The following ARID1B variants were observed in gnomAD, a reference collection of about 807,000 sequenced individuals.
ARID1B encodes the protein AT-rich interactive domain-containing protein 1B.
ARID1B carries 30 observed loss-of-function variants against 212.3 expected under a neutral mutation model. That is an observed-to-expected ratio of 0.14 (90% CI 0.11 to 0.19). The LOEUF is 0.19. Among genes scored for constraint, ARID1B ranks in the 10% least tolerant of loss-of-function variants. The pLI, the probability that ARID1B is intolerant of heterozygous loss-of-function variation, is 1.00. For missense variants in ARID1B, 2,891 were observed against 3,204.0 expected (o/e 0.90, Z 2.36); for synonymous variants, 1,402 against 1,301.7 (o/e 1.08, Z -1.66).
At chr6:157,169,116 A>C (rs1791538620) in intron 9 of ARID1B, 1 of 152,130 alleles carries the variant, frequency 6.6e-6, no homozygotes, top group Non-Finnish European at 1.5e-5. Context: ...ACCTGACTGC[A>C]CAAGAGAAGG....
intron 4 of ARID1B, among the ~76,000 whole-genome samples, chr6:157,070,486 C>A (rs1783946161): frequency 6.6e-6 from 1 of 152,114 alleles, no homozygotes; most frequent in Admixed American, 6.5e-5. Flanking sequence ...GTAATGATCA[C>A]ACAGCTGTGC....
At chr6:157,044,145 A>C (rs1333567038) in intron 4 of ARID1B, among the ~76,000 whole-genome samples, 1 of 152,240 alleles carries the variant, frequency 6.6e-6, no homozygotes, top group African/African-American at 2.4e-5. Context: ...TCTTAATTGA[A>C]TCTATTTATT....
At chr6:157,188,558 G>A (rs550161051) in intron 13 of ARID1B, among the ~76,000 whole-genome samples, 2 of 152,280 alleles carry the variant, frequency 1.3e-5, no homozygotes, top group East Asian at 3.9e-4. Context: ...CATAGGAAAG[G>A]CATTCTACAC....
intron 2 of ARID1B, among the ~76,000 whole-genome samples, chr6:156,878,604 C>T (rs147232404): frequency 6.6e-6 from 1 of 152,298 alleles, no homozygotes; most frequent in East Asian, 1.9e-4. Flanking sequence ...AATCTAGCTG[C>T]CTGTAACTCC....
chr6:156,931,299 C>T (rs546657591), intron 3 of ARID1B, among the ~76,000 whole-genome samples: 4 of 150,412 alleles, frequency 2.7e-5, no homozygotes, highest in African/African-American at 9.8e-5. Context: ...GCATTTTATT[C>T]AAAGTTACAT....
chr6:157,207,764 T>A lies in ARID1B; in HGVS notation c.6992T>A (p.Val2331Glu). Residue 2331 changes from valine (V) to glutamate (E), a missense_variant, in exon 20 of 20, where the codon GTG becomes GAG. Around this residue, in one of 7 missense-constraint regions of ARID1B, gnomAD observed 187 missense variants for 306.5 expected, o/e 0.61. Transcript: ENST00000636930. The surrounding 1 kb of genome is among the most constrained non-coding windows in gnomAD (Gnocchi z 8.5). ...AAKALLAMAR[V>E]DENRSEFLLH... is the part of the protein sequence containing the mutation. ...AAGGCTTTGCTAGCCATGGCCAGAG[T>A]GGACGAAAACCGCTCGGAATTCCTT... 6.3e-7 allele frequency: 1 copy of A among 1,580,314 alleles called. No individual in the cohort carries two copies. The highest frequency in any genetic ancestry group is 8.6e-7 in the Non-Finnish European group (1 of 1,158,182).
At chr6:156,826,208 G>A (rs1482636817) in intron 1 of ARID1B, among the ~76,000 whole-genome samples, 1 of 152,198 alleles carries the variant, frequency 6.6e-6, no homozygotes, top group Non-Finnish European at 1.5e-5. Flanking sequence ...CTTTCCTCCT[G>A]TGTCCTCCAC....
chr6:156,868,105 G>A (rs977533417), intron 2 of ARID1B, among the ~76,000 whole-genome samples: 9 of 152,210 alleles, frequency 5.9e-5, no homozygotes, highest in African/African-American at 1.9e-4. Context: ...GCTTGCCTCA[G>A]TACCGAGCTG....
At chr6:156,787,064 A>G (rs765252777) in intron 1 of ARID1B, among the ~76,000 whole-genome samples, 6 of 150,988 alleles carry the variant, frequency 4.0e-5, no homozygotes, top group Non-Finnish European at 7.4e-5. Context: ...TTCCATTTCT[A>G]CCAATCAGTT....
intron 8 of ARID1B, among the ~76,000 whole-genome samples, chr6:157,164,463 T>C (rs2128284845): frequency 6.6e-6 from 1 of 152,342 alleles, no homozygotes; most frequent in Non-Finnish European, 1.5e-5. Context: ...CTTTTTTACC[T>C]TAGTATAAAC....
intron 7 of ARID1B, among the ~76,000 whole-genome samples, chr6:157,140,031 A>G (rs1247848027): frequency 2.0e-5 from 3 of 151,904 alleles, no homozygotes; most frequent in Non-Finnish European, 4.4e-5. Context: ...GCCTTTTTAT[A>G]TATTTTTTAA....
intron 7 of ARID1B, among the ~76,000 whole-genome samples, chr6:157,135,707 A>G (rs1583374375): frequency 1.3e-5 from 2 of 152,176 alleles, no homozygotes; most frequent in Admixed American, 6.5e-5. Flanking sequence ...CACATTTGCA[A>G]TGTGTTGTTG....
chr6:156,784,294 C>T lies in ARID1B; in HGVS notation c.1791+4823C>T, dbSNP rs184893195. Among the ~76,000 whole-genome samples, 42 of 152,192 alleles carry T rather than the reference C, an allele frequency of 2.8e-4. No individual in the cohort carries two copies. In the East Asian group the frequency reaches 6.4e-3, roughly 23 times the overall value. ...AGGAATCCCAAACCCTGTTCCCTGT[C>T]GTGTCCGGGAGAGGCACCAGGCAAA... On this transcript the variant is annotated intron_variant, in intron 1 of 19. Transcript: ENST00000636930.
chr6:157,096,542 A>G (rs1785645848), intron 5 of ARID1B, among the ~76,000 whole-genome samples: 1 of 152,256 alleles, frequency 6.6e-6, no homozygotes, highest in African/African-American at 2.4e-5. Flanking sequence ...AATGGAGAGT[A>G]CTTGAGGTCG....
chr6:156,904,602 A>G (rs551079711), intron 3 of ARID1B, among the ~76,000 whole-genome samples: 1 of 152,234 alleles, frequency 6.6e-6, no homozygotes, highest in Admixed American at 6.5e-5. Context: ...GACTCTTCCT[A>G]CATATGTGCC....
chr6:156,858,737 C>T (rs1178988273), intron 2 of ARID1B, among the ~76,000 whole-genome samples: 1 of 152,118 alleles, frequency 6.6e-6, no homozygotes, highest in South Asian at 2.1e-4. Context: ...CCATTGCACT[C>T]CAGCCTGGGT....
At chr6:156,869,321 T>G (rs771979542) in intron 2 of ARID1B, among the ~76,000 whole-genome samples, 6 of 152,224 alleles carry the variant, frequency 3.9e-5, no homozygotes, top group Non-Finnish European at 8.8e-5. Flanking sequence ...GTATAGTTCA[T>G]TCATCTTCTG....
chr6:157,142,041 T>C (rs1365235684), intron 7 of ARID1B, among the ~76,000 whole-genome samples: 1 of 152,106 alleles, frequency 6.6e-6, no homozygotes, highest in Non-Finnish European at 1.5e-5. Context: ...TACTCAGCAC[T>C]GAAAGGGAAT....
chr6:156,893,045 C>CTTTTCTTTTTTTTTTTTTTTTTTTTTTTT (rs1554263985), intron 2 of ARID1B, among the ~76,000 whole-genome samples: 6 of 85,924 alleles, frequency 7.0e-5, no homozygotes, highest in African/African-American at 2.8e-4. Flanking sequence ...TTTTTTCTTC[C>CTTTTCTTTTTTTTTTTTTTTTTTTTTTTT]TTTTTTTTTT....
Sources: gnomAD v4.1 joint callset for allele counts (sites outside exome capture counted in the v4.1 genomes callset) on GRCh38, gnomAD v4.1.1 for gene constraint, gnomAD v4.1.1 regional missense constraint, Gnocchi (gnomAD v3.1) non-coding constraint, MANE v1.5 for transcripts, NCBI Gene and HGNC (gene_info 2026-07-23, HGNC 2026-07-21) for gene names.